Variants in FRMD3 observed in about 807,000 individuals in gnomAD.
The protein encoded by FRMD3 is FERM domain containing 3.
FRMD3 carries 33 observed loss-of-function variants against 70.2 expected under a neutral mutation model. The ratio of observed to expected loss-of-function variants is 0.47; its 90% CI spans 0.36 to 0.63. The LOEUF is 0.63. FRMD3 is among the 20% of genes least tolerant of loss of function. The pLI, the probability that FRMD3 is intolerant of heterozygous loss-of-function variation, is 0.00. For synonymous variants in FRMD3, 279 were observed against 255.9 expected, an observed-to-expected ratio of 1.09 and a Z score of -0.86; for missense variants, 632 against 711.4, an observed-to-expected ratio of 0.89 and a Z score of 1.27.
At chr9:83,549,799 GT>G in the FRMD3 span, among the ~76,000 whole-genome samples, 2 of 151,308 alleles carry the variant, frequency 1.3e-5, no homozygotes, top group Non-Finnish European at 3.0e-5. Context: ...AATAGGGTTG[GT>G]TTTTTTTCTT....
chr9:83,453,413 G>T (rs1827724650), intron 1 of FRMD3, among the ~76,000 whole-genome samples: 1 of 151,992 alleles, frequency 6.6e-6, no homozygotes, highest in South Asian at 2.1e-4. Context: ...TTCTAACTCT[G>T]CCCTGTCCAA....
chr9:83,484,850 A>G (rs1344918567), intron 1 of FRMD3, among the ~76,000 whole-genome samples: 2 of 152,260 alleles, frequency 1.3e-5, no homozygotes, highest in Non-Finnish European at 2.9e-5. Context: ...AAGTTGTAAA[A>G]GGAAACAATA....
chr9:83,436,798 A>C (rs1827149248), intron 1 of FRMD3, among the ~76,000 whole-genome samples: 1 of 149,394 alleles, frequency 6.7e-6, no homozygotes, highest in South Asian at 2.1e-4. Flanking sequence ...AAAAAAAAAA[A>C]AAACAAGACA....
At chr9:83,275,899 C>T (rs922510825) in intron 13 of FRMD3, 1 of 152,194 alleles carries the variant, frequency 6.6e-6, no homozygotes, top group African/African-American at 2.4e-5. Context: ...TCTTCAGAAA[C>T]ATGCATGAGG....
At chr9:83,322,016 G>A (rs1835821141) in intron 6 of FRMD3, among the ~76,000 whole-genome samples, 1 of 152,106 alleles carries the variant, frequency 6.6e-6, no homozygotes, top group African/African-American at 2.4e-5. Flanking sequence ...GGACATGGTT[G>A]CAGCCATGAC....
At chr9:83,310,456 C>A in intron 9 of FRMD3, 29 bp downstream of exon 9, 2 of 1,564,706 alleles carry the variant, frequency 1.3e-6, no homozygotes, top group Non-Finnish European at 1.7e-6. Flanking sequence ...CACACAATAA[C>A]AGGCAGTTAA....
chr9:83,464,345 T>C (rs1471973731), intron 1 of FRMD3, among the ~76,000 whole-genome samples: 2 of 152,092 alleles, frequency 1.3e-5, no homozygotes, highest in Non-Finnish European at 2.9e-5. Flanking sequence ...TAAGCCCAAA[T>C]CCATGGTCAC....
At chr9:83,357,245 ACATATATATATATATATATATATATAT>A (rs1564032579) in intron 3 of FRMD3, among the ~76,000 whole-genome samples, 626 of 6,498 alleles carry the variant, frequency 0.096, 68 homozygotes, top group Non-Finnish European at 0.13. Flanking sequence ...TATAATACAT[ACATATATATATATATATATATATATAT>A]ATATATATAT....
At chr9:83,290,527 G>C in intron 13 of FRMD3, 76 bp downstream of exon 13, 1 of 1,529,250 alleles carries the variant, frequency 6.5e-7, no homozygotes, top group Non-Finnish European at 9.1e-7. Flanking sequence ...CCCATCATAT[G>C]CAGAATTGGC....
chr9:83,373,984 G>T (rs1305976099), intron 2 of FRMD3, among the ~76,000 whole-genome samples: 2 of 152,174 alleles, frequency 1.3e-5, no homozygotes, highest in Non-Finnish European at 2.9e-5. Flanking sequence ...GCTGGCATTT[G>T]CTGAGCGCTT....
At chr9:83,411,168 C>T (rs1039704033) in intron 1 of FRMD3, among the ~76,000 whole-genome samples, 1 of 152,174 alleles carries the variant, frequency 6.6e-6, no homozygotes, top group Non-Finnish European at 1.5e-5. Context: ...AGGCTGCAGG[C>T]CATTTCCTGT....
At chr9:83,312,031 T>C in intron 7 of FRMD3, 56 bp from the exon 8 acceptor site, 5 of 1,297,458 alleles carry the variant, frequency 3.9e-6, no homozygotes, top group Non-Finnish European at 5.3e-6. Context: ...AAAAATAAAA[T>C]AAATGATAAC....
At position 83,246,241 on chromosome 9, in the gene FRMD3, G is replaced by A; in HGVS notation, c.*1677C>T. ...ACTTTGTACATTAGGGCAGTGGAAT[G>A]TTTTCAATCCACAGAGAAGCTCTAT... On this transcript the variant is annotated 3_prime_UTR_variant, in exon 14 of 14. Transcript: ENST00000304195. 7 of 984,952 alleles carry A rather than the reference G, an allele frequency of 7.1e-6. No individual in the cohort carries two copies. The highest frequency in any genetic ancestry group is 8.4e-6 in the Non-Finnish European group (7 of 829,596). 61.0% of individuals were successfully genotyped at this position (984,952 alleles called of 1,614,324 possible).
chr9:83,400,147 G>C (rs1325864262), intron 1 of FRMD3, among the ~76,000 whole-genome samples: 5 of 151,844 alleles, frequency 3.3e-5, no homozygotes, highest in African/African-American at 1.2e-4. Context: ...AAATATCAAA[G>C]AATCTACCAA....
intron 1 of FRMD3, among the ~76,000 whole-genome samples, chr9:83,509,591 G>A (rs986805880): frequency 1.3e-5 from 2 of 152,152 alleles, no homozygotes; most frequent in Non-Finnish European, 2.9e-5. Flanking sequence ...GGAAAAAGCA[G>A]GGAGCTGATG....
chr9:83,365,018 T>C (rs1360417776), intron 3 of FRMD3, among the ~76,000 whole-genome samples: 1 of 152,224 alleles, frequency 6.6e-6, no homozygotes, highest in African/African-American at 2.4e-5. Context: ...TATATCTTAA[T>C]TACTATATGT....
At chr9:83,513,983 C>T (rs1415260053) in intron 1 of FRMD3, among the ~76,000 whole-genome samples, 4 of 152,184 alleles carry the variant, frequency 2.6e-5, no homozygotes, top group African/African-American at 9.6e-5. Context: ...CAGGAGATTC[C>T]CTTGGGTGCC....
In FRMD3 at chr9:83,245,419, A is replaced by G. The variant is rs918630096; in HGVS notation, c.*2499T>C. ...AATGGCATTTCAAGATTCCAGTTTA[A>G]CTTTTGATGGCTGTTTAAATTCAGC... On this transcript the variant is annotated 3_prime_UTR_variant, in exon 14 of 14. Coordinates refer to ENST00000304195, the MANE Select transcript of FRMD3 (RefSeq NM_174938.6). The G allele has an allele frequency of 2.5e-5, 25 of 985,280 alleles. No individual in the cohort carries two copies. The highest frequency in any genetic ancestry group is 6.0e-6 in the Non-Finnish European group (5 of 829,924). 61.0% of individuals were successfully genotyped at this position (985,280 alleles called of 1,614,324 possible). A position where few individuals can be genotyped will look rare whatever the true frequency, so the allele number is the denominator to read the frequency against.
Position 83,538,290 on chromosome 9 carries a change from C to T in FRMD3, c.-59G>A, listed in dbSNP as rs377364221. On this transcript the variant is annotated 5_prime_UTR_variant, in exon 1 of 14. Transcript: ENST00000304195. The surrounding 1 kb of genome is among the most constrained non-coding windows in gnomAD (Gnocchi z 4.7). ...AGGGCCGGCGCGGTGCTCGCCTGCG[C>T]GGACACACACGCTCGCACGCACTGT... 1.2e-4 allele frequency: 184 copies of T among 1,504,136 alleles called. 1 individual carries two copies. In the East Asian group the frequency reaches 2.6e-3, roughly 21 times the overall value. The allele number at this position is 1,504,136 out of a possible 1,614,324, so 93.2% of individuals were successfully genotyped here. A position where few individuals can be genotyped will look rare whatever the true frequency, so the allele number is the denominator to read the frequency against.
Sources: gnomAD v4.1 joint callset for allele counts (sites outside exome capture counted in the v4.1 genomes callset) on GRCh38, gnomAD v4.1.1 for gene constraint, Gnocchi (gnomAD v3.1) non-coding constraint, MANE v1.5 for transcripts, NCBI Gene and HGNC (gene_info 2026-07-23, HGNC 2026-07-21) for gene names.